Variants in CDK19 observed in about 807,000 individuals in gnomAD.
The protein encoded by CDK19 is cyclin dependent kinase 19.
A neutral mutation model predicts 68.3 loss-of-function variants in CDK19; 20 were observed. That is an observed-to-expected ratio of 0.29 (90% CI 0.21 to 0.43). The LOEUF (loss-of-function observed/expected upper bound fraction) is 0.43, where lower values mean the gene tolerates loss of function less well. Ranked by LOEUF, CDK19 falls within the 20% of genes least tolerant of loss-of-function variation. The pLI, the probability that CDK19 is intolerant of heterozygous loss-of-function variation, is 1.00. For missense variants in CDK19, 339 were observed against 623.5 expected (o/e 0.54, Z 4.86); for synonymous variants, 221 against 222.8 (o/e 0.99, Z 0.07).
At chr6:110,738,088 A>G (rs1337761916) in intron 2 of CDK19, among the ~76,000 whole-genome samples, 2 of 152,228 alleles carry the variant, frequency 1.3e-5, no homozygotes, top group Admixed American at 1.3e-4. Flanking sequence ...TCTCAGTACT[A>G]AACTTTGATT....
intron 4 of CDK19, among the ~76,000 whole-genome samples, chr6:110,644,111 G>A (rs1166286707): frequency 1.3e-5 from 2 of 152,008 alleles, no homozygotes; most frequent in Non-Finnish European, 2.9e-5. Context: ...GGCCAACATG[G>A]TGAAACCCTG....
rs74295721 is a variant in CDK19 at position 110,654,664 on chromosome 6, C to T, written c.456+12770G>A. Among the ~76,000 whole-genome samples, 3,198 of 152,268 alleles carry T rather than the reference C, an allele frequency of 0.021. 363 individuals are homozygous for T. In the East Asian group the frequency reaches 0.35, roughly 17 times the overall value. On this transcript the variant is annotated intron_variant, in intron 4 of 12. Transcript: ENST00000368911. Reference sequence around the variant, plus strand: ...TCCCAATTTGAAAAGAAGATGGCTGCGTGCAGTGGCTCATGCCTGTAATCC... The same window carrying T: ...TCCCAATTTGAAAAGAAGATGGCTGTGTGCAGTGGCTCATGCCTGTAATCC...
At chr6:110,681,577 G>A (rs1240594280) in intron 2 of CDK19, among the ~76,000 whole-genome samples, 1 of 152,078 alleles carries the variant, frequency 6.6e-6, no homozygotes, top group East Asian at 1.9e-4. Context: ...CTTTTTACAT[G>A]GTTATCTGAG....
rs1273061711 is a variant in CDK19, at chr6:110,610,584, T to C, written c.*3951A>G. On this transcript the variant is annotated 3_prime_UTR_variant, in exon 13 of 13. Coordinates refer to ENST00000368911, the MANE Select transcript of CDK19 (RefSeq NM_015076.5). ...ACGTTTTTTAAAAACCCTAAAACAA[T>C]GAACTTTGTTATATTTGTGACTATT... 1.3e-5 allele frequency: 2 copies of C among 152,130 alleles called. No homozygotes were observed. Among genetic ancestry groups the C allele is most frequent in the African/African-American group, 4.8e-5 (2 of 41,388 alleles). 9.4% of individuals were successfully genotyped at this position (152,130 alleles called of 1,614,324 possible).
Position 110,622,831 on chromosome 6 carries a change from G to C in CDK19, c.1015C>G (p.Pro339Ala), listed in dbSNP as rs1353016152. ...ALQDPYFQED[P>A]LPTLDVFAGC... The stretch of plus-strand genomic sequence containing the variant: ...GATACATACTCTAATGTTGGCAAAG[G>C]GTCCTCCTGAAAATAGGGATCCTGC... Residue 339 changes from proline (P) to alanine (A), a missense_variant, in exon 10 of 13, where the codon CCT (proline) becomes GCT (alanine). Pro to Ala is a conservative substitution (Grantham distance 27, BLOSUM62 -1). Around this residue, in one of 4 missense-constraint regions of CDK19, gnomAD observed 155 missense variants for 222.7 expected, o/e 0.70. Transcript: ENST00000368911. 1.2e-6 allele frequency: 2 copies of C among 1,607,666 alleles called. No individual in the cohort carries two copies. The highest frequency in any genetic ancestry group is 1.7e-6 in the Non-Finnish European group (2 of 1,174,218).
chr6:110,726,610 A>C (rs1370176459), intron 2 of CDK19, among the ~76,000 whole-genome samples: 1 of 152,180 alleles, frequency 6.6e-6, no homozygotes, highest in Non-Finnish European at 1.5e-5. Flanking sequence ...AGTGGTTTGG[A>C]CTTATAATTT....
At position 110,739,636 on chromosome 6, in the gene CDK19, AT is replaced by A. The variant is rs978528741; in HGVS notation, c.204+6489del. ...ATTTTATTGTATTTTATATATATACATTTTTTTTTTTGAGATGGGGTTCTCA... is the reference window on the plus strand; with the variant it reads ...ATTTTATTGTATTTTATATATATACATTTTTTTTTTGAGATGGGGTTCTCA... On this transcript the variant is annotated intron_variant, in intron 2 of 12. Coordinates refer to ENST00000368911, the MANE Select transcript of CDK19 (RefSeq NM_015076.5). 6.3e-3 allele frequency among the ~76,000 whole-genome samples: 931 copies of A among 146,648 alleles called. 8 individuals carry two copies. The highest frequency in any genetic ancestry group is 0.02 in the African/African-American group (795 of 40,246).
At chr6:110,736,134 G>A (rs913009252) in intron 2 of CDK19, among the ~76,000 whole-genome samples, 1 of 152,182 alleles carries the variant, frequency 6.6e-6, no homozygotes, top group Non-Finnish European at 1.5e-5. Flanking sequence ...CTGAAGTTGG[G>A]AGTTCGAGAC....
chr6:110,736,994 A>G (rs892343804), intron 2 of CDK19, among the ~76,000 whole-genome samples: 4 of 152,228 alleles, frequency 2.6e-5, no homozygotes, highest in African/African-American at 9.6e-5. Flanking sequence ...GAGAACTAAA[A>G]TAACTCTACT....
At position 110,785,392 on chromosome 6, in the gene CDK19, T is replaced by C. The variant is rs147240347; in HGVS notation, c.128+29617A>G. 2.2e-3 allele frequency among the ~76,000 whole-genome samples: 337 copies of C among 152,294 alleles called. 2 individuals are homozygous for C. Among genetic ancestry groups the C allele is most frequent in the African/African-American group, 7.9e-3 (328 of 41,550 alleles). On this transcript the variant is annotated intron_variant, in intron 1 of 12. Coordinates refer to ENST00000368911, the MANE Select transcript of CDK19 (RefSeq NM_015076.5). ...TACTGTTGACTGGAAACCTCACTGATAACATAAATAGTCAATTAACATATA... is the reference window on the plus strand; with the variant it reads ...TACTGTTGACTGGAAACCTCACTGACAACATAAATAGTCAATTAACATATA...
Position 110,614,526 on chromosome 6 carries a change from G to A in CDK19, c.*9C>T, listed in dbSNP as rs112980396. The A allele has an allele frequency of 4.0e-5, 64 of 1,613,000 alleles. No individual in the cohort carries two copies. The Middle Eastern group carries it at 6.6e-4, about 17-fold the overall frequency. ...CTGGGCTGGGCTGGCCTGGCCCAAC[G>A]GGAGCTGGTCAGTACCGGTGGGCCT... On this transcript the variant is annotated 3_prime_UTR_variant, in exon 13 of 13. Coordinates refer to ENST00000368911, the MANE Select transcript of CDK19 (RefSeq NM_015076.5).
intron 1 of CDK19, among the ~76,000 whole-genome samples, chr6:110,753,907 T>C (rs553955914): frequency 1.6e-4 from 24 of 152,304 alleles, no homozygotes; most frequent in African/African-American, 5.5e-4. Flanking sequence ...CTTCTTACTT[T>C]TTAGTCAACA....
intron 2 of CDK19, among the ~76,000 whole-genome samples, chr6:110,688,960 A>C (rs2114565283): frequency 6.6e-6 from 1 of 152,250 alleles, no homozygotes; most frequent in South Asian, 2.1e-4. Context: ...TGGCTTTGCC[A>C]GCAGACTGGG....
At chr6:110,807,814 CTTTT>C (rs61710346) in intron 1 of CDK19, among the ~76,000 whole-genome samples, 1 of 144,144 alleles carries the variant, frequency 6.9e-6, no homozygotes, top group East Asian at 2.0e-4. Flanking sequence ...TTTATAATAC[CTTTT>C]TTTTTTTTTA....
In CDK19 at chr6:110,775,791, A is replaced by G. The variant is rs17817575; in HGVS notation, c.129-29590T>C. 8.8e-3 allele frequency among the ~76,000 whole-genome samples: 1,340 copies of G among 152,384 alleles called. 6 individuals are homozygous for G. The highest frequency in any genetic ancestry group is 0.015 in the Non-Finnish European group (1,017 of 68,032). ...CATGGAATATTTAGAAATCTTTAAA[A>G]GTATCATCAAATAATTAGGAAAGAA... On this transcript the variant is annotated intron_variant, in intron 1 of 12. Coordinates refer to ENST00000368911, the MANE Select transcript of CDK19 (RefSeq NM_015076.5).
chr6:110,797,963 C>T (rs1421989272), intron 1 of CDK19, among the ~76,000 whole-genome samples: 57 of 121,390 alleles, frequency 4.7e-4, no homozygotes, highest in South Asian at 4.2e-3. Flanking sequence ...CCAGCCTGGG[C>T]GACAGAGCAA....
chr6:110,801,552 C>T (rs1782347196), intron 1 of CDK19, among the ~76,000 whole-genome samples: 1 of 151,918 alleles, frequency 6.6e-6, no homozygotes, highest in Non-Finnish European at 1.5e-5. Flanking sequence ...TGCACTGTCG[C>T]CCAAGCTAGA....
chr6:110,812,426 G>A (rs1458072349), intron 1 of CDK19, among the ~76,000 whole-genome samples: 3 of 152,112 alleles, frequency 2.0e-5, no homozygotes, highest in Admixed American at 2.0e-4. Flanking sequence ...CCGACCCAGA[G>A]AATATTTTTA....
Position 110,815,355 on chromosome 6 carries a change from G to A in CDK19, c.-219C>T, listed in dbSNP as rs1184536514. ...CCACCTCTTCCTCCTCCTCCTCCGCGACGGCGGCGGCGGCTCCCGCAGGCA... is the reference window on the plus strand; with the variant it reads ...CCACCTCTTCCTCCTCCTCCTCCGCAACGGCGGCGGCGGCTCCCGCAGGCA... On this transcript the variant is annotated 5_prime_UTR_variant, in exon 1 of 13. Coordinates refer to ENST00000368911, the MANE Select transcript of CDK19 (RefSeq NM_015076.5). The A allele has an allele frequency of 1.5e-5, 6 of 409,528 alleles. No individual in the cohort carries two copies. In the East Asian group the frequency reaches 2.1e-4, roughly 14 times the overall value. 25.4% of individuals were successfully genotyped at this position (409,528 alleles called of 1,614,324 possible).
Sources: allele counts gnomAD v4.1 joint callset (sites outside exome capture counted in the v4.1 genomes callset), GRCh38; gene constraint gnomAD v4.1.1; regional missense constraint gnomAD v4.1.1; transcripts MANE v1.5; gene names NCBI Gene and HGNC (gene_info 2026-07-23, HGNC 2026-07-21).